ABAT: variants seen among roughly 807,000 people sequenced by gnomAD.
ABAT encodes 4-aminobutyrate aminotransferase, mitochondrial.
A neutral mutation model predicts 64.6 loss-of-function variants in ABAT; 45 were observed. That is an observed-to-expected ratio of 0.70 (90% CI 0.55 to 0.89). The LOEUF (loss-of-function observed/expected upper bound fraction) is 0.89. Among genes scored for constraint, ABAT ranks in the 40% least tolerant of loss-of-function variants. The pLI, the probability that ABAT is intolerant of heterozygous loss-of-function variation, is 0.00. For synonymous variants in ABAT, 297 were observed against 250.5 expected, an observed-to-expected ratio of 1.19 and a Z score of -1.75; for missense variants, 633 against 658.4, an observed-to-expected ratio of 0.96 and a Z score of 0.42.
rs1311601147 is a variant in ABAT, at chr16:8,768,249, G to A, written c.660G>A (p.Arg220=). 5 of 1,613,928 alleles carry A rather than the reference G, an allele frequency of 3.1e-6. No homozygotes were observed. Among genetic ancestry groups the A allele is most frequent in the African/African-American group, 1.3e-5 (1 of 74,924 alleles). Residue 220 remains arginine, a synonymous_variant, in exon 10 of 16, where the codon AGG becomes AGA. Coordinates refer to ENST00000268251, the MANE Select transcript of ABAT (RefSeq NM_020686.6). The part of the protein sequence containing the change: ...ILSFMGAFHG[R]TMGCLATTHS... ...CCTTCATGGGCGCGTTCCATGGGAG[G>A]ACCATGGGTAAGGAGGGACCATTGC...
chr16:8,742,009 C>G (rs987121340), intron 2 of ABAT, among the ~76,000 whole-genome samples: 2 of 152,234 alleles, frequency 1.3e-5, no homozygotes, highest in South Asian at 4.1e-4. Flanking sequence ...CCCATTCCCC[C>G]CCTTTCTGAT....
At chr16:8,765,945 T>C in intron 8 of ABAT, 1 of 421,532 alleles carries the variant, frequency 2.4e-6, no homozygotes, top group Non-Finnish European at 4.5e-6. Context: ...TGGCAAAACA[T>C]GCAACGCTCT....
intron 11 of ABAT, among the ~76,000 whole-genome samples, chr16:8,771,468 C>T (rs533494891): frequency 0.11 from 14,016 of 129,248 alleles, 1,340 homozygotes; most frequent in African/African-American, 0.26. Context: ...GTTTTTCTTT[C>T]TTTTTTTTTT....
chr16:8,709,350 T>TTTTATTTATTTA lies in ABAT; in HGVS notation c.-41-26321_-41-26310dup, dbSNP rs149223193. On this transcript the variant is annotated intron_variant, in intron 1 of 15. Transcript: ENST00000268251. ...TTTAATTGGCACATGTGACTCACAT[T>TTTTATTTATTTA]TTTATTTATTTATTTATTTATTTAT... Among the ~76,000 whole-genome samples, 135 of 149,252 alleles carry TTTTATTTATTTA rather than the reference T, an allele frequency of 9.0e-4. 1 individual carries two copies. Among genetic ancestry groups the TTTTATTTATTTA allele is most frequent in the African/African-American group, 3.2e-3 (129 of 40,410 alleles).
At chr16:8,709,383 T>C (rs1436763511) in intron 1 of ABAT, among the ~76,000 whole-genome samples, 6 of 107,752 alleles carry the variant, frequency 5.6e-5, no homozygotes, top group African/African-American at 1.9e-4. Context: ...TATTTATTTA[T>C]TTATTTTTGA....
At chr16:8,773,811 G>C (rs559934023) in intron 12 of ABAT, among the ~76,000 whole-genome samples, 1 of 152,190 alleles carries the variant, frequency 6.6e-6, no homozygotes, top group Non-Finnish European at 1.5e-5. Flanking sequence ...CAATATTTGT[G>C]TATGTGTGGC....
intron 1 of ABAT, among the ~76,000 whole-genome samples, chr16:8,684,961 C>T (rs2057419364): frequency 2.0e-5 from 3 of 152,118 alleles, no homozygotes; most frequent in Admixed American, 2.0e-4. Context: ...TTTTCTACAA[C>T]TTACAAAGGA....
chr16:8,774,867 C>T (rs1451004631), intron 12 of ABAT, 23 bp from the exon 13 acceptor site: 2 of 1,612,748 alleles, frequency 1.2e-6, no homozygotes, highest in East Asian at 2.2e-5. Flanking sequence ...TTTATTTCTC[C>T]CTCCTCTCTC....
chr16:8,747,394 G>A lies in ABAT; in HGVS notation c.169-714G>A, dbSNP rs183992875. ...CAGAAATCTTTGTACTAATATAAGT[G>A]ATTGTAGTTATTTTGGATAGTGTTT... is the stretch of plus-strand genomic sequence containing the variant. On this transcript the variant is annotated intron_variant, in intron 3 of 15. Transcript: ENST00000268251. Among the ~76,000 whole-genome samples the A allele has an allele frequency of 2.0e-4, 31 of 152,176 alleles. No individual in the cohort carries two copies. The Middle Eastern group carries it at 0.017, about 84-fold the overall frequency.
At chr16:8,682,218 CACACACACAGAG>C (rs1249863494) in intron 1 of ABAT, among the ~76,000 whole-genome samples, 1 of 144,230 alleles carries the variant, frequency 6.9e-6, no homozygotes, top group Non-Finnish European at 1.6e-5. Flanking sequence ...CACACACACA[CACACACACAGAG>C]GAGGCATTCA....
chr16:8,723,495 G>T (rs1187176952), intron 1 of ABAT, among the ~76,000 whole-genome samples: 2 of 152,128 alleles, frequency 1.3e-5, no homozygotes, highest in South Asian at 2.1e-4. Flanking sequence ...TATCTGTGGG[G>T]CCTCTTTCCT....
chr16:8,775,783 A>G (rs1173416147), intron 13 of ABAT, among the ~76,000 whole-genome samples: 1 of 152,162 alleles, frequency 6.6e-6, no homozygotes, highest in African/African-American at 2.4e-5. Context: ...TAATATGTCT[A>G]TTTCCAATAC....
At chr16:8,760,047 A>C (rs1596461591) in intron 6 of ABAT, 1 of 152,228 alleles carries the variant, frequency 6.6e-6, no homozygotes, top group South Asian at 2.1e-4. Context: ...GCATAGCTCC[A>C]GTTCAGGGCT....
intron 6 of ABAT, chr16:8,760,350 C>T (rs927058248): frequency 6.6e-6 from 1 of 152,208 alleles, no homozygotes; most frequent in African/African-American, 2.4e-5. Flanking sequence ...AGAAAGAAAT[C>T]TAAGAAAGGC....
chr16:8,692,094 C>T (rs898885651), intron 1 of ABAT, among the ~76,000 whole-genome samples: 4 of 152,070 alleles, frequency 2.6e-5, no homozygotes, highest in African/African-American at 4.8e-5. Context: ...GTCAGTAAAA[C>T]GTGGGCCAGT....
At chr16:8,739,121 T>C (rs2059082856) in intron 2 of ABAT, among the ~76,000 whole-genome samples, 1 of 152,220 alleles carries the variant, frequency 6.6e-6, no homozygotes, top group African/African-American at 2.4e-5. Context: ...GCATGCCAAG[T>C]GCTGTGCTGG....
chr16:8,720,046 C>T (rs1055264362), intron 1 of ABAT, among the ~76,000 whole-genome samples: 3 of 152,196 alleles, frequency 2.0e-5, no homozygotes, highest in African/African-American at 4.8e-5. Flanking sequence ...CTTTTGACCT[C>T]AGGTGATCTG....
intron 3 of ABAT, 41 bp from the exon 4 acceptor site, chr16:8,748,067 G>C (rs780543231): frequency 6.2e-7 from 1 of 1,602,586 alleles, no homozygotes. Flanking sequence ...TTTGGCAAGA[G>C]TGTGGACTTG....
rs191784275 is a variant in ABAT at position 8,735,873 on chromosome 16, C to A, written c.70+64C>A. 3.1e-3 allele frequency: 4,464 copies of A among 1,452,310 alleles called. 13 individuals are homozygous for A. The highest frequency in any genetic ancestry group is 7.4e-3 in the Middle Eastern group (42 of 5,714). The allele number at this position is 1,452,310 out of a possible 1,614,324, so 90.0% of individuals were successfully genotyped here. A position where few individuals can be genotyped will look rare whatever the true frequency, so the allele number is the denominator to read the frequency against. On this transcript the variant is annotated intron_variant, in intron 2 of 15. Transcript: ENST00000268251. ...GAAGATACCATCCAGACTAGGGATT[C>A]CTGGGCTGGAAGAGCCCTTGGGGAT...
Sources: gnomAD v4.1 joint callset for allele counts (sites outside exome capture counted in the v4.1 genomes callset) on GRCh38, gnomAD v4.1.1 for gene constraint, MANE v1.5 for transcripts, NCBI Gene and HGNC (gene_info 2026-07-23, HGNC 2026-07-21) for gene names.